Variants in IRX4 observed in about 807,000 individuals in gnomAD.
IRX4 encodes the protein iroquois-class homeodomain protein IRX-4.
A neutral mutation model predicts 32.0 loss-of-function variants in IRX4; 22 were observed. The observed-to-expected ratio is 0.69, with a 90% confidence interval of 0.49 to 0.98. IRX4 has a LOEUF of 0.98. IRX4 is among the 50% of genes least tolerant of loss of function. The pLI is 0.00. For synonymous variants in IRX4, 379 were observed against 351.7 expected, an observed-to-expected ratio of 1.08 and a Z score of -0.87; for missense variants, 840 against 744.2, an observed-to-expected ratio of 1.13 and a Z score of -1.50.
intron 4 of IRX4, 91 bp downstream of exon 4, chr5:1,879,412 GT>G (rs1735343211): frequency 3.2e-6 from 5 of 1,579,638 alleles, no homozygotes; most frequent in Non-Finnish European, 4.3e-6. Flanking sequence ...GGGGCTCGGC[GT>G]TTGGGACCCC....
At chr5:1,883,019 G>C (rs1030073472), upstream of IRX4, among the ~76,000 whole-genome samples, 14 of 151,514 alleles carry the variant, frequency 9.2e-5, no homozygotes, top group African/African-American at 3.4e-4. Context: ...GCCCCACCTC[G>C]CGCAGCCCGG....
upstream of IRX4, among the ~76,000 whole-genome samples, chr5:1,883,741 C>G (rs1052112752): frequency 2.6e-5 from 4 of 152,254 alleles, no homozygotes; most frequent in Non-Finnish European, 5.9e-5. Flanking sequence ...CTCGCCTCCC[C>G]GACTTTCCTC....
chr5:1,883,271 A>C (rs796332970), upstream of IRX4, among the ~76,000 whole-genome samples: 5 of 152,332 alleles, frequency 3.3e-5, no homozygotes, highest in African/African-American at 1.2e-4. Context: ...CATTCGTCTC[A>C]ATTACAAATG....
rs1450232635 is a variant in IRX4 at position 1,877,800 on chromosome 5, C to G, written c.*169G>C. On this transcript the variant is annotated 3_prime_UTR_variant, in exon 5 of 5. Coordinates refer to ENST00000231357, the MANE Select transcript of IRX4 (RefSeq NM_016358.3). ...CCAGGCGGTGGAGGCCCCGGCGTGG[C>G]AGCGCCGGGCTTGTCCATGTTCCCA... 3.1e-6 allele frequency: 2 copies of G among 650,818 alleles called. No homozygotes were observed. Among genetic ancestry groups the G allele is most frequent in the Admixed American group, 3.7e-5 (1 of 27,330 alleles). The allele number at this position is 650,818 out of a possible 1,614,324, so 40.3% of individuals were successfully genotyped here. A position where few individuals can be genotyped will look rare whatever the true frequency, so the allele number is the denominator to read the frequency against.
chr5:1,884,440 C>T (rs1735564023), upstream of IRX4: 1 of 152,256 alleles, frequency 6.6e-6, no homozygotes, highest in Non-Finnish European at 1.5e-5. Context: ...CCACAGTACA[C>T]ATCATATAAT....
chr5:1,883,143 T>A (rs189123527), upstream of IRX4, among the ~76,000 whole-genome samples: 3 of 152,118 alleles, frequency 2.0e-5, no homozygotes, highest in Non-Finnish European at 4.4e-5. Context: ...GCAAATAAAT[T>A]CCATCCGAGT....
At chr5:1,886,265 C>T (rs1311447594), upstream of IRX4, among the ~76,000 whole-genome samples, 3 of 152,360 alleles carry the variant, frequency 2.0e-5, no homozygotes, top group African/African-American at 7.2e-5. Context: ...AGAGCTCGTC[C>T]GGAGGGAGCT....
upstream of IRX4, among the ~76,000 whole-genome samples, chr5:1,886,515 C>A (rs900827980): frequency 6.6e-6 from 1 of 152,208 alleles, no homozygotes; most frequent in Admixed American, 6.5e-5. Context: ...CCCTCGGAGC[C>A]AGTGGTAGGA....
At chr5:1,881,392 G>A (rs1034803405) in intron 2 of IRX4, among the ~76,000 whole-genome samples, 5 of 149,630 alleles carry the variant, frequency 3.3e-5, no homozygotes, top group Non-Finnish European at 5.9e-5. Context: ...AGGGGAGAGG[G>A]AGGAAGAGGG....
chr5:1,879,022 C>T (rs1422067824), intron 4 of IRX4, among the ~76,000 whole-genome samples: 12 of 150,420 alleles, frequency 8.0e-5, no homozygotes, highest in South Asian at 6.3e-4. Flanking sequence ...GACGGAGTCT[C>T]GCTCTGTCGC....
At position 1,878,101 on chromosome 5, in the gene IRX4, C is replaced by G; in HGVS notation, c.1428G>C (p.Ala476=). 6.5e-7 allele frequency: 1 copy of G among 1,536,206 alleles called. No homozygotes were observed. The highest frequency in any genetic ancestry group is 8.7e-7 in the Non-Finnish European group (1 of 1,146,962). The change falls in exon 5 of 5, where the codon GCG becomes GCC. Residue 476 remains alanine (A), a synonymous_variant. Transcript: ENST00000231357. ...GGGGTGCAGTCAGCACGTTCGCGCC[C>G]GCCCCCAGCGAGCGTCCCAGAGGCC... ...DPGPLGRSLG[A]GANVLTAPLA...
chr5:1,878,153 G>T lies in IRX4; in HGVS notation c.1376C>A (p.Thr459Asn), dbSNP rs1460250275. 7.0e-6 allele frequency: 11 copies of T among 1,563,304 alleles called. No homozygotes were observed. The highest frequency in any genetic ancestry group is 1.8e-5 in the Admixed American group (1 of 54,094). ...RHSTLNQAWA[T>N]AKGALLDPGP... ...GGGGTCCAGGAGGGCGCCCTTGGCG[G>T]TGGCCCAGGCCTGGTTCAAAGTGCT... Residue 459 changes from threonine to asparagine, a missense_variant, in exon 5 of 5, where the codon ACC becomes AAC. Coordinates refer to ENST00000231357, the MANE Select transcript of IRX4 (RefSeq NM_016358.3).
Position 1,878,163 on chromosome 5 carries a change from C to T in IRX4, c.1366G>A (p.Ala456Thr), listed in dbSNP as rs772095275. Residue 456 changes from alanine to threonine, a missense_variant, in exon 5 of 5, where the codon GCC becomes ACC. Physicochemically the swap from Ala to Thr is moderately conservative, Grantham distance 58 (BLOSUM62 0). Transcript: ENST00000231357. The part of the protein sequence containing the change: ...PILRHSTLNQ[A>T]WATAKGALLD... ...AGGGCGCCCTTGGCGGTGGCCCAGG[C>T]CTGGTTCAAAGTGCTGTGCCTGAGG... The T allele has an allele frequency of 1.3e-6, 2 of 1,574,492 alleles. No homozygotes were observed. Among genetic ancestry groups the T allele is most frequent in the Non-Finnish European group, 1.7e-6 (2 of 1,163,646 alleles).
In IRX4 at chr5:1,882,047, T is replaced by C; in HGVS notation, c.58A>G (p.Thr20Ala). ...TCGCAGCACGTGCTCAGGGAGTTGG[T>C]GGCCATCAAGAACTGCAGAGAGAGG... is the stretch of plus-strand genomic sequence containing the variant. ...YSSAPQFLMA[T>A]NSLSTCCESG... The change falls in exon 2 of 5, where the codon ACC (threonine) becomes GCC (alanine). Residue 20 changes from threonine (T) to alanine (A), a missense_variant. Coordinates refer to ENST00000231357, the MANE Select transcript of IRX4 (RefSeq NM_016358.3). 1.3e-6 allele frequency: 2 copies of C among 1,553,470 alleles called. No individual in the cohort carries two copies. Among genetic ancestry groups the C allele is most frequent in the Non-Finnish European group, 1.7e-6 (2 of 1,149,800 alleles).
chr5:1,885,901 T>A (rs1386265867), upstream of IRX4, among the ~76,000 whole-genome samples: 1 of 152,262 alleles, frequency 6.6e-6, no homozygotes, highest in Non-Finnish European at 1.5e-5. Context: ...GTGCTGAGCC[T>A]TCCTCCCTCT....
Position 1,881,799 on chromosome 5 carries a change from C to G in IRX4, c.297+9G>C. 1 of 1,568,734 alleles carries G rather than the reference C, an allele frequency of 6.4e-7. No homozygotes were observed. The highest frequency in any genetic ancestry group is 8.6e-7 in the Non-Finnish European group (1 of 1,157,702). On this transcript the variant is annotated intron_variant, in intron 2 of 4. Transcript: ENST00000231357. ...GGGGCAGGGCAAGGGCTAGGGATGCCCCACTTACCAGCGAGTAGAAGGCGG... is the reference window on the plus strand; with the variant it reads ...GGGGCAGGGCAAGGGCTAGGGATGCGCCACTTACCAGCGAGTAGAAGGCGG...
chr5:1,884,807 TCCTCCCCTCCCCCAC>T (rs1735575684), upstream of IRX4, among the ~76,000 whole-genome samples: 1 of 151,570 alleles, frequency 6.6e-6, no homozygotes, highest in East Asian at 1.9e-4. Context: ...CTCCTCCTGC[TCCTCCCCTCCCCCAC>T]CCTCCTTCCT....
rs779281843 is a variant in IRX4 at position 1,878,714 on chromosome 5, G to A, written c.815C>T (p.Ala272Val). ...DFDPLEAEPP[A>V]CELKPPFHSL... ...GTGGAAGGGCGGCTTCAGCTCGCAC[G>A]CCGGCGGCTCTGCTTCCAGCGGGTC... Residue 272 changes from alanine to valine, a missense_variant, in exon 5 of 5, where the codon GCG becomes GTG. This residue lies in a region of IRX4 where 585 missense variants were observed against 488.0 expected (regional missense o/e 1.20). Transcript: ENST00000231357. 6.2e-7 allele frequency: 1 copy of A among 1,612,454 alleles called. No individual in the cohort carries two copies. The highest frequency in any genetic ancestry group is 8.5e-7 in the Non-Finnish European group (1 of 1,179,888).
chr5:1,878,714 G>C lies in IRX4; in HGVS notation c.815C>G (p.Ala272Gly), dbSNP rs779281843. The C allele has an allele frequency of 1.9e-6, 3 of 1,612,454 alleles. No individual in the cohort carries two copies. In the Admixed American group the frequency reaches 5.0e-5, roughly 27 times the overall value. Residue 272 changes from alanine (A) to glycine (G), a missense_variant, in exon 5 of 5, where the codon GCG (alanine) becomes GGG (glycine). Transcript: ENST00000231357. ...DFDPLEAEPP[A>G]CELKPPFHSL... ...GTGGAAGGGCGGCTTCAGCTCGCACGCCGGCGGCTCTGCTTCCAGCGGGTC... is the reference window on the plus strand; with the variant it reads ...GTGGAAGGGCGGCTTCAGCTCGCACCCCGGCGGCTCTGCTTCCAGCGGGTC...
Sources: allele counts gnomAD v4.1 joint callset (sites outside exome capture counted in the v4.1 genomes callset), GRCh38; gene constraint gnomAD v4.1.1; regional missense constraint gnomAD v4.1.1; transcripts MANE v1.5; gene names NCBI Gene and HGNC (gene_info 2026-07-23, HGNC 2026-07-21).